TENT4A: variants seen among roughly 807,000 people sequenced by gnomAD.
The protein encoded by TENT4A is terminal nucleotidyltransferase 4A.
A neutral mutation model predicts 72.8 loss-of-function variants in TENT4A; 7 were observed. The ratio of observed to expected loss-of-function variants is 0.10; its 90% confidence interval spans 0.05 to 0.18. The LOEUF (loss-of-function observed/expected upper bound fraction) is 0.18, where lower values mean the gene tolerates loss of function less well. Among genes scored for constraint, TENT4A ranks in the 10% least tolerant of loss-of-function variants. The pLI, the probability that TENT4A is intolerant of heterozygous loss-of-function variation, is 1.00. For missense variants in TENT4A, 831 were observed against 1,017.7 expected, an observed-to-expected ratio of 0.82 and a Z score of 2.50; for synonymous variants, 456 against 434.3, an observed-to-expected ratio of 1.05 and a Z score of -0.62.
chr5:6,746,744 A>G (rs1278031117), intron 7 of TENT4A, among the ~76,000 whole-genome samples: 2 of 152,246 alleles, frequency 1.3e-5, no homozygotes, highest in Non-Finnish European at 1.5e-5. Context: ...TAGAAAAACC[A>G]TGGATGCCAT....
At chr5:6,743,268 A>C (rs172079) in intron 5 of TENT4A, among the ~76,000 whole-genome samples, 146,443 of 152,186 alleles carry the variant, frequency 0.96, 70,679 homozygotes, top group East Asian at 1. Context: ...TGTCCACCCC[A>C]AGCGCAACAC....
intron 10 of TENT4A, 77 bp downstream of exon 10, chr5:6,750,580 A>G: frequency 7.5e-7 from 1 of 1,342,084 alleles, no homozygotes; most frequent in Non-Finnish European, 1.0e-6. Flanking sequence ...GCGAGCTTAA[A>G]ATCTCCCCCT....
rs767348305 is a variant in TENT4A, at chr5:6,750,439, G to A, written c.1796G>A (p.Ser599Asn). The A allele has an allele frequency of 1.9e-6, 3 of 1,612,314 alleles. No individual in the cohort carries two copies. Among genetic ancestry groups the A allele is most frequent in the South Asian group, 2.2e-5 (2 of 90,910 alleles). ...CAGCGCTTGACTTTGTCGCTGTCCA[G>A]CCCCCAGCTCCTGTCTTCAGGCTCC... Reference protein sequence around the residue: ...YGQRLTLSLSSPQLLSSGSSA... With the variant: ...YGQRLTLSLSNPQLLSSGSSA... The change falls in exon 10 of 13, where the codon AGC becomes AAC. Residue 599 changes from serine to asparagine, a missense_variant. By Grantham distance (46) the Ser-to-Asn change is conservative. Coordinates refer to ENST00000230859, the MANE Select transcript of TENT4A (RefSeq NM_006999.6).
chr5:6,739,890 G>A (rs1741709089), intron 4 of TENT4A, 38 bp downstream of exon 4: 2 of 1,601,352 alleles, frequency 1.2e-6, no homozygotes, highest in South Asian at 2.2e-5. Flanking sequence ...CCGGGCAGGA[G>A]CCTTGTCACA....
rs1048297634 is a variant in TENT4A, at chr5:6,756,952, T to C, written c.*2007T>C. On this transcript the variant is annotated 3_prime_UTR_variant, in exon 13 of 13. Coordinates refer to ENST00000230859, the MANE Select transcript of TENT4A (RefSeq NM_006999.6). ...ACAAAAAGATATCATGTTTCGATTT[T>C]TTTGTGTGTGGACAACAATATGGAA... is the stretch of plus-strand genomic sequence containing the variant. The C allele has an allele frequency of 6.5e-6, 1 of 152,686 alleles. No individual in the cohort carries two copies. Among genetic ancestry groups the C allele is most frequent in the Non-Finnish European group, 1.5e-5 (1 of 68,046 alleles). 9.5% of individuals were successfully genotyped at this position (152,686 alleles called of 1,614,324 possible).
chr5:6,728,144 C>G (rs187011969), intron 1 of TENT4A, among the ~76,000 whole-genome samples: 282 of 152,174 alleles, frequency 1.9e-3, no homozygotes, highest in Non-Finnish European at 3.2e-3. Context: ...GGTCTCACGG[C>G]GCCCGTGAGG....
chr5:6,719,305 G>T (rs989324125), intron 1 of TENT4A, among the ~76,000 whole-genome samples: 1 of 152,130 alleles, frequency 6.6e-6, no homozygotes, highest in Non-Finnish European at 1.5e-5. Flanking sequence ...AACTTTTTAT[G>T]CCTCAGTTAG....
chr5:6,714,754 C>CGCCCGCGGTCCTGGCCGGT, intron 1 of TENT4A, 55 bp downstream of exon 1: 1 of 1,061,562 alleles, frequency 9.4e-7, no homozygotes, highest in Non-Finnish European at 1.2e-6. Context: ...TCCTGGCCGG[C>CGCCCGCGGTCCTGGCCGGT]GCCCGCGGTG....
chr5:6,736,650 T>G (rs1026150811), intron 1 of TENT4A, among the ~76,000 whole-genome samples: 1 of 152,236 alleles, frequency 6.6e-6, no homozygotes, highest in African/African-American at 2.4e-5. Context: ...ACTCATGACA[T>G]AGGCTGGTGC....
intron 1 of TENT4A, among the ~76,000 whole-genome samples, chr5:6,734,731 C>G (rs768559105): frequency 1.3e-5 from 2 of 152,224 alleles, no homozygotes; most frequent in Non-Finnish European, 2.9e-5. Context: ...ATGCCAAGGT[C>G]AGGAGGACAG....
At chr5:6,717,085 C>G (rs965593272) in intron 1 of TENT4A, among the ~76,000 whole-genome samples, 1 of 152,194 alleles carries the variant, frequency 6.6e-6, no homozygotes, top group East Asian at 1.9e-4. Flanking sequence ...TAAGGTCCCC[C>G]CTGTGATCAT....
At chr5:6,736,850 T>C (rs1017000797) in intron 1 of TENT4A, among the ~76,000 whole-genome samples, 2 of 152,364 alleles carry the variant, frequency 1.3e-5, no homozygotes, top group Non-Finnish European at 1.5e-5. Flanking sequence ...TTGACCTCCT[T>C]GTTGGCCTCT....
chr5:6,743,935 T>C, intron 6 of TENT4A, 95 bp downstream of exon 6: 1 of 1,099,594 alleles, frequency 9.1e-7, no homozygotes, highest in Admixed American at 2.3e-5. Context: ...GCCTTTGCTC[T>C]CCTTTTACTG....
intron 11 of TENT4A, among the ~76,000 whole-genome samples, chr5:6,752,350 C>G (rs1305306173): frequency 2.0e-5 from 3 of 152,364 alleles, no homozygotes; most frequent in Admixed American, 2.0e-4. Context: ...GCACGGGATG[C>G]CAAGATGCAA....
At chr5:6,749,785 TAAG>T (rs1288294835) in intron 9 of TENT4A, 128 bp downstream of exon 9, 4 of 662,948 alleles carry the variant, frequency 6.0e-6, no homozygotes, top group African/African-American at 1.8e-5. Context: ...GAGCATTAAT[TAAG>T]AAGACAATAA....
rs145632942 is a variant in TENT4A at position 6,750,383 on chromosome 5, G to A, written c.1740G>A (p.Thr580=). ...TAGCCACATGCAATGGGGAGCAGACGCAGAACCGAGAGCCCGAGTCTCCCT... is the reference window on the plus strand; with the variant it reads ...TAGCCACATGCAATGGGGAGCAGACACAGAACCGAGAGCCCGAGTCTCCCT... ...ERIATCNGEQ[T]QNREPESPYG... The change falls in exon 10 of 13, where the codon ACG becomes ACA. Residue 580 remains threonine (T), a synonymous_variant. Transcript: ENST00000230859. 49 of 1,612,748 alleles carry A rather than the reference G, an allele frequency of 3.0e-5. No homozygotes were observed. The highest frequency in any genetic ancestry group is 1.0e-4 in the Admixed American group (6 of 59,826).
chr5:6,735,950 A>G (rs1333941998), intron 1 of TENT4A, among the ~76,000 whole-genome samples: 1 of 152,044 alleles, frequency 6.6e-6, no homozygotes, highest in Non-Finnish European at 1.5e-5. Flanking sequence ...TTTAGCAGAG[A>G]TGGGGTTTCA....
chr5:6,722,558 T>TG (rs1223465033), intron 1 of TENT4A, among the ~76,000 whole-genome samples: 14 of 150,770 alleles, frequency 9.3e-5, no homozygotes, highest in South Asian at 4.2e-4. Context: ...TTTTTTTTTT[T>TG]TTTTTTTTTT....
At chr5:6,718,284 G>T (rs934248134) in intron 1 of TENT4A, among the ~76,000 whole-genome samples, 1 of 152,318 alleles carries the variant, frequency 6.6e-6, no homozygotes, top group South Asian at 2.1e-4. Flanking sequence ...TCTTTCTTGC[G>T]AAGGAGTCAC....
Sources: gnomAD v4.1 joint callset for allele counts (sites outside exome capture counted in the v4.1 genomes callset) on GRCh38, gnomAD v4.1.1 for gene constraint, MANE v1.5 for transcripts, NCBI Gene and HGNC (gene_info 2026-07-23, HGNC 2026-07-21) for gene names.